SHANK2: variants seen among roughly 807,000 people sequenced by gnomAD.
SHANK2 encodes SH3 and multiple ankyrin repeat domains protein 2.
Under a neutral mutation model 133.7 loss-of-function variants are expected in SHANK2, and 43 were observed. That is an observed-to-expected ratio of 0.32 (90% CI 0.25 to 0.41). The LOEUF (loss-of-function observed/expected upper bound fraction) is 0.41, where lower values mean the gene tolerates loss of function less well. Ranked by LOEUF, SHANK2 falls within the 10% of genes least tolerant of loss-of-function variation. The pLI is 1.00. For missense variants in SHANK2, 1,994 were observed against 2,235.8 expected (o/e 0.89, Z 2.18); for synonymous variants, 1,017 against 952.8 (o/e 1.07, Z -1.24).
intron 1 of SHANK2, among the ~76,000 whole-genome samples, chr11:71,234,179 C>G (rs1263662900): frequency 3.7e-5 from 3 of 80,416 alleles, no homozygotes; most frequent in Non-Finnish European, 6.3e-5. Context: ...AACTCCCTCT[C>G]TACTAAAAAA....
intron 2 of SHANK2, among the ~76,000 whole-genome samples, chr11:71,162,392 T>TAA (rs1262654773): frequency 1.1e-4 from 16 of 150,040 alleles, no homozygotes; most frequent in Non-Finnish European, 1.8e-4. Context: ...CTGACGACCT[T>TAA]ATTTAATCCC....
At chr11:70,844,361 G>T (rs370059115) in intron 11 of SHANK2, among the ~76,000 whole-genome samples, 1 of 151,278 alleles carries the variant, frequency 6.6e-6, no homozygotes, top group East Asian at 1.9e-4. Context: ...GGGGCCGGGG[G>T]CGGGGCATGA....
At chr11:71,156,944 C>A (rs1952918609) in intron 2 of SHANK2, among the ~76,000 whole-genome samples, 2 of 152,114 alleles carry the variant, frequency 1.3e-5, no homozygotes, top group African/African-American at 4.8e-5. Context: ...AATGCATGGC[C>A]CACTGAGGCC....
intron 10 of SHANK2, among the ~76,000 whole-genome samples, chr11:70,901,274 G>T (rs1950019025): frequency 6.6e-6 from 1 of 152,074 alleles, no homozygotes; most frequent in African/African-American, 2.4e-5. Context: ...TTTTTAAAAA[G>T]TTATGATATA....
At chr11:70,768,621 T>C (rs1947177064) in intron 14 of SHANK2, among the ~76,000 whole-genome samples, 1 of 152,160 alleles carries the variant, frequency 6.6e-6, no homozygotes, top group Non-Finnish European at 1.5e-5. Context: ...CACCACAGCC[T>C]GCACCCCTGA....
chr11:70,886,412 C>T (rs543336448), intron 11 of SHANK2, among the ~76,000 whole-genome samples: 63 of 152,238 alleles, frequency 4.1e-4, no homozygotes, highest in Non-Finnish European at 8.2e-4. Context: ...ACGGGGACCC[C>T]GACCACTCTG....
chr11:71,150,534 G>A (rs1952777332), intron 2 of SHANK2, among the ~76,000 whole-genome samples: 1 of 151,978 alleles, frequency 6.6e-6, no homozygotes, highest in African/African-American at 2.4e-5. Context: ...CAATGACATT[G>A]ATAATCCCAA....
intron 17 of SHANK2, among the ~76,000 whole-genome samples, chr11:70,608,355 A>G (rs1554993159): frequency 6.6e-6 from 1 of 152,090 alleles, no homozygotes; most frequent in Admixed American, 6.6e-5. Context: ...TCCCTAGTTG[A>G]ACACGTAGGG....
At chr11:70,800,430 C>A (rs1948019486) in intron 13 of SHANK2, among the ~76,000 whole-genome samples, 2 of 152,230 alleles carry the variant, frequency 1.3e-5, no homozygotes, top group African/African-American at 4.8e-5. Context: ...TTCTCCACAT[C>A]TTTACCTTCT....
intron 1 of SHANK2, among the ~76,000 whole-genome samples, chr11:71,234,079 G>A (rs1246356039): frequency 6.9e-6 from 1 of 144,842 alleles, no homozygotes; most frequent in Non-Finnish European, 1.5e-5. Flanking sequence ...CGGGAGTGGT[G>A]GCTCATGCCT....
chr11:70,633,245 T>G (rs891079470), intron 17 of SHANK2, among the ~76,000 whole-genome samples: 2 of 148,390 alleles, frequency 1.3e-5, no homozygotes, highest in East Asian at 1.9e-4. Context: ...ATAATATATA[T>G]TCTATATAAA....
chr11:70,625,355 T>C (rs1277932074), intron 17 of SHANK2, among the ~76,000 whole-genome samples: 3 of 152,168 alleles, frequency 2.0e-5, no homozygotes, highest in African/African-American at 7.2e-5. Flanking sequence ...CAGCTCCTCC[T>C]GGAGGTTAGG....
chr11:70,800,600 TA>T (rs1948022537), intron 13 of SHANK2, among the ~76,000 whole-genome samples: 1 of 152,198 alleles, frequency 6.6e-6, no homozygotes, highest in African/African-American at 2.4e-5. Flanking sequence ...CCCCACTTTA[TA>T]AGTTCCTAAT....
rs138479262 is a variant in SHANK2 at position 71,130,285 on chromosome 11, G to A, written c.208-11253C>T. Among the ~76,000 whole-genome samples, 321 of 152,286 alleles carry A rather than the reference G, an allele frequency of 2.1e-3. 4 individuals are homozygous for A. The highest frequency in any genetic ancestry group is 7.5e-3 in the African/African-American group (310 of 41,558). On this transcript the variant is annotated intron_variant, in intron 3 of 25. Transcript: ENST00000601538. Reference sequence around the variant, plus strand: ...CACCTGCCTGTGTTGGGACACGTCCGCACTGCTGAGTAAGACACATAAACA... The same window carrying A: ...CACCTGCCTGTGTTGGGACACGTCCACACTGCTGAGTAAGACACATAAACA...
At position 70,470,958 on chromosome 11, in the gene SHANK2, A is replaced by G. The variant is rs1259105086; in HGVS notation, c.*1911T>C. On this transcript the variant is annotated 3_prime_UTR_variant, in exon 26 of 26. Transcript: ENST00000601538. The stretch of plus-strand genomic sequence containing the variant: ...CTTCAATGACGAAGTTCTAGCAAAG[A>G]TAGAAAATATAACACAGCTCTGCTG... The G allele has an allele frequency of 4.2e-6, 1 of 238,372 alleles. No homozygotes were observed. Among genetic ancestry groups the G allele is most frequent in the East Asian group, 7.5e-5 (1 of 13,330 alleles). 14.8% of individuals were successfully genotyped at this position (238,372 alleles called of 1,614,324 possible). A position where few individuals can be genotyped will look rare whatever the true frequency, so the allele number is the denominator to read the frequency against.
intron 10 of SHANK2, among the ~76,000 whole-genome samples, chr11:70,937,444 G>A (rs896444217): frequency 1.5e-4 from 23 of 152,170 alleles, no homozygotes; most frequent in African/African-American, 5.1e-4. Context: ...TGTGACCTTC[G>A]GATGATGGAC....
At chr11:70,617,691 G>C (rs559784554) in intron 17 of SHANK2, among the ~76,000 whole-genome samples, 21 of 152,210 alleles carry the variant, frequency 1.4e-4, no homozygotes, top group African/African-American at 4.6e-4. Flanking sequence ...GATCAAGGTG[G>C]AGTTTACCCC....
At chr11:70,770,046 G>T (rs1267654240) in intron 14 of SHANK2, among the ~76,000 whole-genome samples, 1 of 152,174 alleles carries the variant, frequency 6.6e-6, no homozygotes, top group African/African-American at 2.4e-5. Flanking sequence ...CTTCCCAGTG[G>T]CCCACGGACA....
At chr11:70,918,984 T>G (rs1196447132) in intron 10 of SHANK2, among the ~76,000 whole-genome samples, 2 of 151,878 alleles carry the variant, frequency 1.3e-5, no homozygotes, top group Non-Finnish European at 2.9e-5. Context: ...GACAGCATAA[T>G]AAGACCCCAT....
Sources: gnomAD v4.1 joint callset for allele counts (sites outside exome capture counted in the v4.1 genomes callset) on GRCh38, gnomAD v4.1.1 for gene constraint, MANE v1.5 for transcripts, NCBI Gene and HGNC (gene_info 2026-07-23, HGNC 2026-07-21) for gene names.